Variants in ATRNL1 observed in about 807,000 individuals in gnomAD.
ATRNL1 encodes attractin-like protein 1.
A neutral mutation model predicts 182.7 loss-of-function variants in ATRNL1; 95 were observed. The observed-to-expected ratio is 0.52, with a 90% confidence interval of 0.44 to 0.62. The LOEUF (loss-of-function observed/expected upper bound fraction) is 0.62. Among genes scored for constraint, ATRNL1 ranks in the 20% least tolerant of loss-of-function variants. ATRNL1 has a pLI of 0.00. For synonymous variants in ATRNL1, 576 were observed against 568.3 expected (o/e 1.01, Z -0.19); for missense variants, 1,471 against 1,679.5 (o/e 0.88, Z 2.17).
intron 28 of ATRNL1, among the ~76,000 whole-genome samples, chr10:115,850,958 T>C (rs2134364154): frequency 6.6e-6 from 1 of 152,304 alleles, no homozygotes; most frequent in South Asian, 2.1e-4. Context: ...GGGTCTTCTC[T>C]TGGCTATTGG....
At chr10:115,707,155 C>T (rs1555053265) in intron 26 of ATRNL1, among the ~76,000 whole-genome samples, 2 of 151,732 alleles carry the variant, frequency 1.3e-5, no homozygotes, top group African/African-American at 4.8e-5. Flanking sequence ...ACAAATAAGG[C>T]AGCTTTCTAA....
intron 28 of ATRNL1, among the ~76,000 whole-genome samples, chr10:115,849,296 G>C (rs1555099852): frequency 6.6e-6 from 1 of 152,164 alleles, no homozygotes; most frequent in African/African-American, 2.4e-5. Context: ...AAGTAAAATA[G>C]TTTGGCACTG....
At chr10:115,611,941 G>A (rs570342537) in intron 26 of ATRNL1, among the ~76,000 whole-genome samples, 2 of 151,990 alleles carry the variant, frequency 1.3e-5, no homozygotes, top group East Asian at 1.9e-4. Flanking sequence ...TGAGGAAGGG[G>A]GAATTGGAAA....
At chr10:115,371,607 A>G (rs1857398078) in intron 19 of ATRNL1, among the ~76,000 whole-genome samples, 1 of 152,130 alleles carries the variant, frequency 6.6e-6, no homozygotes, top group African/African-American at 2.4e-5. Context: ...GAACAACTAT[A>G]TTTACCGAAT....
chr10:115,186,849 C>T (rs1367691645), intron 8 of ATRNL1, among the ~76,000 whole-genome samples: 1 of 151,916 alleles, frequency 6.6e-6, no homozygotes, highest in Non-Finnish European at 1.5e-5. Flanking sequence ...TTATTTGTGT[C>T]AAAGAAATGA....
chr10:115,424,617 A>G (rs1458598234), intron 20 of ATRNL1, among the ~76,000 whole-genome samples: 3 of 152,170 alleles, frequency 2.0e-5, no homozygotes, highest in African/African-American at 7.2e-5. Flanking sequence ...AAATCCTGTC[A>G]TTTGGGACAC....
At chr10:115,889,921 C>T (rs1555110713) in intron 28 of ATRNL1, among the ~76,000 whole-genome samples, 1 of 152,154 alleles carries the variant, frequency 6.6e-6, no homozygotes, top group Admixed American at 6.5e-5. Context: ...AATTAAGTTA[C>T]ATATTCTAAA....
At chr10:115,461,745 G>A (rs1033763122) in intron 21 of ATRNL1, among the ~76,000 whole-genome samples, 196 bp from the exon 22 acceptor site, 3 of 151,964 alleles carry the variant, frequency 2.0e-5, no homozygotes, top group Non-Finnish European at 4.4e-5. Context: ...TAAGGAATTA[G>A]TACTTCTTCC....
In ATRNL1 at chr10:115,246,553, C is replaced by CTT. The variant is rs1226864852; in HGVS notation, c.1687+4845_1687+4846dup. Among the ~76,000 whole-genome samples, 26 of 117,926 alleles carry CTT rather than the reference C, an allele frequency of 2.2e-4. 1 individual carries two copies. Among genetic ancestry groups the CTT allele is most frequent in the African/African-American group, 3.8e-4 (11 of 29,178 alleles). The allele number at this position is 117,926 out of a possible 152,430, so 77.4% of individuals were successfully genotyped here. Reference sequence around the variant, plus strand: ...TAATGGATAATGAATCTCTCTCATTCTTTTTTTTTTTTTTTTTTGAGACGG... The same window carrying CTT: ...TAATGGATAATGAATCTCTCTCATTCTTTTTTTTTTTTTTTTTTTTGAGACGG... On this transcript the variant is annotated intron_variant, in intron 10 of 28. Coordinates refer to ENST00000355044, the MANE Select transcript of ATRNL1 (RefSeq NM_207303.4).
intron 10 of ATRNL1, among the ~76,000 whole-genome samples, chr10:115,252,942 A>T (rs1267549614): frequency 2.6e-5 from 4 of 152,172 alleles, no homozygotes; most frequent in African/African-American, 7.2e-5. Context: ...CTTAATGGCC[A>T]CTTTGTGCCA....
chr10:115,804,471 T>A (rs1440185790), intron 27 of ATRNL1, among the ~76,000 whole-genome samples: 2 of 152,166 alleles, frequency 1.3e-5, no homozygotes, highest in African/African-American at 4.8e-5. Flanking sequence ...TCCTGCTCTT[T>A]GCTCTTTGCC....
chr10:115,777,134 T>C (rs1260292139), intron 27 of ATRNL1, among the ~76,000 whole-genome samples: 1 of 152,160 alleles, frequency 6.6e-6, no homozygotes, highest in African/African-American at 2.4e-5. Context: ...TATTAAGAAT[T>C]GTAGAATTGA....
At chr10:115,859,447 A>G (rs1951261323) in intron 28 of ATRNL1, among the ~76,000 whole-genome samples, 1 of 152,138 alleles carries the variant, frequency 6.6e-6, no homozygotes, top group Non-Finnish European at 1.5e-5. Context: ...ACCTCTTACC[A>G]GCAGGCAGTA....
At position 115,602,659 on chromosome 10, in the gene ATRNL1, C is replaced by T. The variant is rs76025756; in HGVS notation, c.3795+53123C>T. ...TGGGTGGATCACAAGATCAGGAGAT[C>T]GAGACCATCCTGGCTAACACGGTGA... is the stretch of plus-strand genomic sequence containing the variant. On this transcript the variant is annotated intron_variant, in intron 26 of 28. Transcript: ENST00000355044. 3.1e-4 allele frequency among the ~76,000 whole-genome samples: 47 copies of T among 152,148 alleles called. No homozygotes were observed. The East Asian group carries it at 4.9e-3, about 16-fold the overall frequency.
At chr10:115,481,648 A>G (rs1274980556) in intron 24 of ATRNL1, among the ~76,000 whole-genome samples, 2 of 150,872 alleles carry the variant, frequency 1.3e-5, no homozygotes, top group African/African-American at 4.8e-5. Context: ...TTTTATTAGT[A>G]TTAATATTAA....
At chr10:115,500,325 A>T (rs1471915810) in intron 24 of ATRNL1, among the ~76,000 whole-genome samples, 3 of 152,234 alleles carry the variant, frequency 2.0e-5, no homozygotes, top group Admixed American at 2.0e-4. Context: ...TGAAAACATT[A>T]GTTTGCAGAT....
chr10:115,566,064 A>G (rs1220178975), intron 26 of ATRNL1, among the ~76,000 whole-genome samples: 26 of 152,080 alleles, frequency 1.7e-4, no homozygotes, highest in Non-Finnish European at 1.5e-5. Flanking sequence ...TGTTTAAACA[A>G]TTCTATACGA....
At chr10:115,921,033 G>C (rs1953042150) in intron 28 of ATRNL1, among the ~76,000 whole-genome samples, 1 of 152,172 alleles carries the variant, frequency 6.6e-6, no homozygotes, top group African/African-American at 2.4e-5. Flanking sequence ...ATCAAATAAT[G>C]ATATGACAGT....
intron 24 of ATRNL1, among the ~76,000 whole-genome samples, chr10:115,503,181 T>C (rs1849933015): frequency 6.6e-6 from 1 of 151,472 alleles, no homozygotes; most frequent in South Asian, 2.1e-4. Context: ...ATAACCTTAA[T>C]TAAAAAAATT....
Sources: allele counts gnomAD v4.1 joint callset (sites outside exome capture counted in the v4.1 genomes callset), GRCh38; gene constraint gnomAD v4.1.1; transcripts MANE v1.5; gene names NCBI Gene and HGNC (gene_info 2026-07-23, HGNC 2026-07-21).